Variants in PLEKHH1 observed in about 807,000 individuals in gnomAD.
The protein encoded by PLEKHH1 is pleckstrin homology, MyTH4 and FERM domain containing H1.
In PLEKHH1, 104 loss-of-function variants were observed where a neutral mutation model predicts 160.0. The ratio of observed to expected loss-of-function variants is 0.65; its 90% CI spans 0.55 to 0.76. The LOEUF is 0.76. Ranked by LOEUF, PLEKHH1 falls within the 30% of genes least tolerant of loss-of-function variation. The pLI is 0.00. For synonymous variants in PLEKHH1, 619 were observed against 678.4 expected, an observed-to-expected ratio of 0.91 and a Z score of 1.36; for missense variants, 1,427 against 1,724.1, an observed-to-expected ratio of 0.83 and a Z score of 3.05.
chr14:67,571,675 C>A, intron 9 of PLEKHH1, 77 bp from the exon 10 acceptor site: 1 of 1,481,296 alleles, frequency 6.8e-7, no homozygotes, highest in Non-Finnish European at 9.4e-7. Context: ...GCACTTGGAC[C>A]AGGAGTGCAA....
Position 67,541,912 on chromosome 14 carries a change from G to GAA in PLEKHH1, c.47_48dup (p.Arg17AsnfsTer4). ...AGGCGCCGGCCAGCGTAGACTGGCA[G>GAA]AAACGCTGCCTGACCCTGGAAACTC... On this transcript the variant is annotated frameshift_variant, in exon 2 of 29. Coordinates refer to ENST00000329153, the MANE Select transcript of PLEKHH1 (RefSeq NM_020715.3). LOFTEE classifies it high-confidence loss of function. 6.2e-7 allele frequency: 1 copy of GAA among 1,605,316 alleles called. No homozygotes were observed. Among genetic ancestry groups the GAA allele is most frequent in the African/African-American group, 1.3e-5 (1 of 74,864 alleles).
chr14:67,555,860 G>A lies in PLEKHH1; in HGVS notation c.162G>A (p.Glu54=). The A allele has an allele frequency of 6.2e-7, 1 of 1,613,608 alleles. No homozygotes were observed. The highest frequency in any genetic ancestry group is 1.1e-5 in the South Asian group (1 of 91,010). The change falls in exon 3 of 29, where the codon GAG becomes GAA. Residue 54 remains glutamate (E), a synonymous_variant. Transcript: ENST00000329153. Reference sequence around the variant, plus strand: ...TGGAGCAGAGGCTGCTGGAGGCAGAGCAGAGAGCAGAGAACGCTGAGACCC... The same window carrying A: ...TGGAGCAGAGGCTGCTGGAGGCAGAACAGAGAGCAGAGAACGCTGAGACCC... The part of the protein sequence containing the change: ...QELEQRLLEA[E]QRAENAETQV...
chr14:67,580,759 G>A (rs1217991558), intron 22 of PLEKHH1, 179 bp from the exon 23 acceptor site: 2 of 575,148 alleles, frequency 3.5e-6, no homozygotes, highest in Non-Finnish European at 6.2e-6. Context: ...CTCTGTTTGT[G>A]AGGGAGCTGC....
intron 1 of PLEKHH1, among the ~76,000 whole-genome samples, chr14:67,541,566 T>C (rs1032482005): frequency 3.9e-5 from 6 of 152,012 alleles, no homozygotes; most frequent in Admixed American, 3.9e-4. Flanking sequence ...TTTTCACTTC[T>C]GTCCAAATGA....
At chr14:67,536,717 C>T (rs1041663053) in intron 1 of PLEKHH1, among the ~76,000 whole-genome samples, 4 of 151,904 alleles carry the variant, frequency 2.6e-5, no homozygotes, top group African/African-American at 9.7e-5. Flanking sequence ...CAATCTTGCA[C>T]ACAGGACTCA....
At chr14:67,559,729 A>AGGCCCAGCCATGCCTC in intron 5 of PLEKHH1, 38 bp downstream of exon 5, 1 of 1,419,212 alleles carries the variant, frequency 7.0e-7, no homozygotes, top group Non-Finnish European at 9.8e-7. Context: ...TGCCAGAGGC[A>AGGCCCAGCCATGCCTC]TGGCTGGGCC....
Position 67,575,447 on chromosome 14 carries a change from A to T in PLEKHH1, c.2144A>T (p.Tyr715Phe), listed in dbSNP as rs780962794. Residue 715 changes from tyrosine (Y) to phenylalanine (F), a missense_variant, in exon 15 of 29, where the codon TAC becomes TTC. Physicochemically the swap from Tyr to Phe is conservative, Grantham distance 22 (BLOSUM62 3). Around this residue, in one of 6 missense-constraint regions of PLEKHH1, gnomAD observed 831 missense variants for 929.2 expected, o/e 0.89. Coordinates refer to ENST00000329153, the MANE Select transcript of PLEKHH1 (RefSeq NM_020715.3). ...TGCGCTCTTGTTGGGAAAATCTTCT[A>T]CTACTATCGGAGCCATGAGGACAAG... ...VWCALVGKIF[Y>F]YYRSHEDKRP... is the part of the protein sequence containing the mutation. 15 of 1,607,428 alleles carry T rather than the reference A, an allele frequency of 9.3e-6. No homozygotes were observed. The highest frequency in any genetic ancestry group is 1.1e-5 in the Non-Finnish European group (13 of 1,176,496).
chr14:67,574,339 C>A lies in PLEKHH1; in HGVS notation c.2024C>A (p.Ala675Asp). The A allele has an allele frequency of 6.2e-7, 1 of 1,600,628 alleles. No individual in the cohort carries two copies. Among genetic ancestry groups the A allele is most frequent in the Non-Finnish European group, 8.5e-7 (1 of 1,173,776 alleles). The stretch of plus-strand genomic sequence containing the variant: ...CTCCAGAGCCTGCTGAAGGTGCAGG[C>A]CACCGGGCCTCCAGCTCTGCTTCGG... The part of the protein sequence containing the change: ...RVLQSLLKVQ[A>D]TGPPALLRGG... Residue 675 changes from alanine to aspartate, a missense_variant, in exon 14 of 29, where the codon GCC becomes GAC. Ala to Asp is a moderately radical substitution (Grantham distance 126, BLOSUM62 -2). Coordinates refer to ENST00000329153, the MANE Select transcript of PLEKHH1 (RefSeq NM_020715.3). This position sits in a 1 kb window ranked among gnomAD's most constrained non-coding sequence, Gnocchi z 4.2.
chr14:67,571,063 G>A (rs1464303126), intron 9 of PLEKHH1: 3 of 152,270 alleles, frequency 2.0e-5, no homozygotes, highest in African/African-American at 4.8e-5. Flanking sequence ...CCTTGGTATC[G>A]AAGCACCATA....
rs1382688499 is a variant in PLEKHH1 at position 67,576,056 on chromosome 14, ATCT to A, written c.2352+54_2352+56del. On this transcript the variant is annotated intron_variant, in intron 16 of 28. Transcript: ENST00000329153. The surrounding 1 kb of genome is among the most constrained non-coding windows in gnomAD (Gnocchi z 4.0). ...GGCCAAGCTTGGACCTGTGATTCTG[ATCT>A]TCCCTTCTCTCTTTCTCCTGAGCTT... 4 of 1,401,014 alleles carry A rather than the reference ATCT, an allele frequency of 2.9e-6. No homozygotes were observed. In the Admixed American group the frequency reaches 8.3e-5, roughly 29 times the overall value. The allele number at this position is 1,401,014 out of a possible 1,614,324, so 86.8% of individuals were successfully genotyped here.
chr14:67,580,046 G>A, intron 22 of PLEKHH1, 170 bp downstream of exon 22: 1 of 619,676 alleles, frequency 1.6e-6, no homozygotes, highest in Non-Finnish European at 2.8e-6. Flanking sequence ...ACCTGGGCAG[G>A]GAGAAAAAAG....
At position 67,587,080 on chromosome 14, in the gene PLEKHH1, G is replaced by A. The variant is rs1311920947; in HGVS notation, c.3940G>A (p.Glu1314Lys). Residue 1314 changes from glutamate to lysine, a missense_variant, in exon 29 of 29, where the codon GAA becomes AAA. By Grantham distance (56) the Glu-to-Lys change is moderately conservative. Coordinates refer to ENST00000329153, the MANE Select transcript of PLEKHH1 (RefSeq NM_020715.3). ...ATCTCTGACCTCCTCTTAGATTGCA[G>A]AAGCTACCTTCATCATGGCCAGCTA... Reference protein sequence around the residue: ...IFRMAAPKIAEATFIMASYMN... With the variant: ...IFRMAAPKIAKATFIMASYMN... 3.1e-6 allele frequency: 5 copies of A among 1,603,068 alleles called. No homozygotes were observed. The East Asian group carries it at 9.0e-5, about 29-fold the overall frequency.
At chr14:67,537,345 A>AT (rs2033769900) in intron 1 of PLEKHH1, among the ~76,000 whole-genome samples, 3 of 125,486 alleles carry the variant, frequency 2.4e-5, no homozygotes, top group East Asian at 2.2e-4. Context: ...CTCCATCTCA[A>AT]AAATAATAAT....
intron 1 of PLEKHH1, among the ~76,000 whole-genome samples, chr14:67,538,370 T>C (rs2033827156): frequency 6.6e-6 from 1 of 152,266 alleles, no homozygotes; most frequent in African/African-American, 2.4e-5. Context: ...TTTTCTCATC[T>C]GTTCATTGTG....
In PLEKHH1 at chr14:67,584,105, C is replaced by G. The variant is rs2140551580; in HGVS notation, c.3680C>G (p.Ala1227Gly). 1 of 1,613,736 alleles carries G rather than the reference C, an allele frequency of 6.2e-7. No individual in the cohort carries two copies. The highest frequency in any genetic ancestry group is 2.2e-5 in the East Asian group (1 of 44,896). Residue 1227 changes from alanine (A) to glycine (G), a missense_variant, in exon 26 of 29, where the codon GCT (alanine) becomes GGT (glycine). Transcript: ENST00000329153. ...TVARKWPFFG[A>G]KLFAAQPAQL... The stretch of plus-strand genomic sequence containing the variant: ...GCCAGGAAATGGCCTTTCTTTGGTG[C>G]TAAACTTTTTGCTGCTCAGGTAAGT...
chr14:67,537,230 G>A (rs1463692019), intron 1 of PLEKHH1, among the ~76,000 whole-genome samples: 12 of 138,308 alleles, frequency 8.7e-5, no homozygotes, highest in South Asian at 2.3e-4. Context: ...TGTAATCCCA[G>A]CTACTCAGGA....
At chr14:67,565,211 G>T (rs1465479069) in intron 7 of PLEKHH1, among the ~76,000 whole-genome samples, 6 of 151,968 alleles carry the variant, frequency 3.9e-5, no homozygotes, top group Non-Finnish European at 7.4e-5. Context: ...CTTGCCCAAG[G>T]TCATGTAGTA....
At chr14:67,550,521 C>T (rs2034355516) in intron 2 of PLEKHH1, among the ~76,000 whole-genome samples, 1 of 152,174 alleles carries the variant, frequency 6.6e-6, no homozygotes, top group Non-Finnish European at 1.5e-5. Context: ...AGAGTTAGAA[C>T]AATTTAATGG....
intron 7 of PLEKHH1, among the ~76,000 whole-genome samples, chr14:67,568,158 C>T (rs966956427): frequency 6.6e-6 from 1 of 152,076 alleles, no homozygotes. Flanking sequence ...ATGTTCATCA[C>T]AGCACTACTC....
Sources: gnomAD v4.1 joint callset for allele counts (sites outside exome capture counted in the v4.1 genomes callset) on GRCh38, gnomAD v4.1.1 for gene constraint, gnomAD v4.1.1 regional missense constraint, Gnocchi (gnomAD v3.1) non-coding constraint, MANE v1.5 for transcripts, NCBI Gene and HGNC (gene_info 2026-07-23, HGNC 2026-07-21) for gene names.